The following ZNF227 variants were observed in gnomAD, a reference collection of about 807,000 sequenced individuals.
ZNF227 encodes the protein zinc finger protein 227.
ZNF227 carries 12 observed loss-of-function variants against 13.2 expected under a neutral mutation model. The ratio of observed to expected loss-of-function variants is 0.91; its 90% CI spans 0.58 to 1.47. The LOEUF (loss-of-function observed/expected upper bound fraction) is 1.47, where lower values mean the gene tolerates loss of function less well. ZNF227 is among the 40% of genes most tolerant of loss of function. The pLI is 0.00. For synonymous variants in ZNF227, 338 were observed against 326.0 expected, an observed-to-expected ratio of 1.04 and a Z score of -0.40; for missense variants, 885 against 967.5, an observed-to-expected ratio of 0.91 and a Z score of 1.13.
In ZNF227 at chr19:44,236,834, T is replaced by A. The variant is rs766129128; in HGVS notation, c.*4T>A. The A allele has an allele frequency of 6.5e-7, 1 of 1,548,402 alleles. No homozygotes were observed. The highest frequency in any genetic ancestry group is 8.7e-7 in the Non-Finnish European group (1 of 1,149,816). ...CCATACTGGTAAAAAGCTTTAGAAA[T>A]GAGAAATGTGTTACCAACTTTTGTC... On this transcript the variant is annotated 3_prime_UTR_variant, in exon 6 of 6. Coordinates refer to ENST00000313040, the MANE Select transcript of ZNF227 (RefSeq NM_182490.3).
chr19:44,217,419 A>G, intron 2 of ZNF227: 1 of 485,152 alleles, frequency 2.1e-6, no homozygotes, highest in Non-Finnish European at 4.1e-6. Context: ...CATTGTACAC[A>G]TAACAGAAGT....
chr19:44,222,809 G>C lies in ZNF227; in HGVS notation c.60+4957G>C, dbSNP rs945715917. Among the ~76,000 whole-genome samples, 47 of 151,854 alleles carry C rather than the reference G, an allele frequency of 3.1e-4. No homozygotes were observed. The East Asian group carries it at 8.7e-3, about 28-fold the overall frequency. ...GAACTTCCAACACTATGTTGAATAG[G>C]AGTGGTGAGAGAGGGCACCCCTGTC... On this transcript the variant is annotated intron_variant, in intron 3 of 5. Transcript: ENST00000313040.
upstream of ZNF227, among the ~76,000 whole-genome samples, chr19:44,212,273 C>G (rs1971411323): frequency 6.6e-6 from 1 of 151,580 alleles, no homozygotes; most frequent in African/African-American, 2.4e-5. Flanking sequence ...GGCTAAACAG[C>G]AATAAGCCGT....
At chr19:44,228,359 T>A in intron 3 of ZNF227, 87 bp from the exon 4 acceptor site, 1 of 1,487,090 alleles carries the variant, frequency 6.7e-7, no homozygotes, top group Non-Finnish European at 9.0e-7. Flanking sequence ...AACAACTTTT[T>A]TGTGGTGCTC....
chr19:44,218,439 T>C (rs1343753748), intron 3 of ZNF227, among the ~76,000 whole-genome samples: 2 of 152,220 alleles, frequency 1.3e-5, no homozygotes, highest in Non-Finnish European at 2.9e-5. Context: ...TGTCTCAGTT[T>C]CATGTCAGTT....
At chr19:44,227,927 A>G (rs1973347334) in intron 3 of ZNF227, among the ~76,000 whole-genome samples, 1 of 152,148 alleles carries the variant, frequency 6.6e-6, no homozygotes, top group Non-Finnish European at 1.5e-5. Flanking sequence ...GAACTTTGCA[A>G]ACGTTAAAAA....
upstream of ZNF227, among the ~76,000 whole-genome samples, chr19:44,209,589 T>G (rs942715506): frequency 7.1e-4 from 108 of 152,166 alleles, no homozygotes; most frequent in Middle Eastern, 3.4e-3. Context: ...TTATTCATTT[T>G]TATTTATTTA....
chr19:44,212,306 G>C (rs1314702628), upstream of ZNF227, among the ~76,000 whole-genome samples: 2 of 151,156 alleles, frequency 1.3e-5, no homozygotes, highest in Non-Finnish European at 2.9e-5. Flanking sequence ...GGATGTTGTA[G>C]TCCGGGAGCT....
intron 5 of ZNF227, among the ~76,000 whole-genome samples, chr19:44,231,798 T>C (rs1973872857): frequency 6.6e-6 from 1 of 152,250 alleles, no homozygotes; most frequent in Non-Finnish European, 1.5e-5. Context: ...TAATTAGTAA[T>C]TTCTAAGACA....
At chr19:44,232,989 A>G (rs1974004711) in intron 5 of ZNF227, among the ~76,000 whole-genome samples, 11 of 151,874 alleles carry the variant, frequency 7.2e-5, no homozygotes, top group Admixed American at 6.6e-4. Flanking sequence ...CCTTTTTGCC[A>G]TGTACATTAA....
rs898121490 is a variant in ZNF227, at chr19:44,235,886, C to T, written c.1456C>T (p.His486Tyr). The change falls in exon 6 of 6, where the codon CAC becomes TAC. Residue 486 changes from histidine (H) to tyrosine (Y), a missense_variant. Transcript: ENST00000313040. ...AGATCTGCATATTCATTTCAGAGTT[C>T]ACACGGGAGAGAAACCCTATAAATG... ...NTDLHIHFRV[H>Y]TGEKPYKCKE... is the part of the protein sequence containing the mutation. 3 of 1,613,980 alleles carry T rather than the reference C, an allele frequency of 1.9e-6. No homozygotes were observed. The highest frequency in any genetic ancestry group is 2.5e-6 in the Non-Finnish European group (3 of 1,180,032).
chr19:44,223,266 A>G (rs1972745681), intron 3 of ZNF227, among the ~76,000 whole-genome samples: 1 of 152,238 alleles, frequency 6.6e-6, no homozygotes, highest in African/African-American at 2.4e-5. Flanking sequence ...TATCAGGATG[A>G]TGCTAGCCTC....
At chr19:44,228,911 C>G (rs1186572936) in intron 4 of ZNF227, 1 of 349,614 alleles carries the variant, frequency 2.9e-6, no homozygotes, top group Non-Finnish European at 5.1e-6. Context: ...CAGGACAGTG[C>G]CCCCAACAGA....
chr19:44,216,315 T>C (rs534151078), intron 2 of ZNF227, among the ~76,000 whole-genome samples: 1 of 152,184 alleles, frequency 6.6e-6, no homozygotes, highest in South Asian at 2.1e-4. Context: ...GAGGTAATAT[T>C]CATTTGTTTT....
At chr19:44,225,415 A>G (rs1973014549) in intron 3 of ZNF227, among the ~76,000 whole-genome samples, 1 of 152,238 alleles carries the variant, frequency 6.6e-6, no homozygotes, top group Non-Finnish European at 1.5e-5. Context: ...AATCAGACGT[A>G]GATCTGGTCT....
In ZNF227 at chr19:44,236,204, C is replaced by A. The variant is rs765911610; in HGVS notation, c.1774C>A (p.His592Asn). 1.2e-6 allele frequency: 2 copies of A among 1,613,928 alleles called. No homozygotes were observed. The highest frequency in any genetic ancestry group is 2.2e-5 in the East Asian group (1 of 44,872). ...GKGFSWRSNL[H>N]AHQRVHSGEK... ...GGGCTTCAGTTGGAGATCAAATCTT[C>A]ATGCACATCAAAGAGTTCACTCAGG... Residue 592 changes from histidine (H) to asparagine (N), a missense_variant, in exon 6 of 6, where the codon CAT becomes AAT. By Grantham distance (68) the His-to-Asn change is moderately conservative. Coordinates refer to ENST00000313040, the MANE Select transcript of ZNF227 (RefSeq NM_182490.3).
chr19:44,212,391 T>TTTTTTTTTTC (rs1555787739), upstream of ZNF227: 1 of 140,812 alleles, frequency 7.1e-6, no homozygotes, highest in African/African-American at 3.0e-5. Context: ...TTTTTTTTTT[T>TTTTTTTTTTC]CAAGCGCGAA....
intron 3 of ZNF227, among the ~76,000 whole-genome samples, chr19:44,219,748 T>G (rs1972255452): frequency 6.6e-6 from 1 of 150,828 alleles, no homozygotes; most frequent in African/African-American, 2.4e-5. Context: ...TTTTTTTGGA[T>G]GTTGATTTTC....
chr19:44,227,720 G>C (rs1973326331), intron 3 of ZNF227, among the ~76,000 whole-genome samples: 1 of 152,194 alleles, frequency 6.6e-6, no homozygotes, highest in Admixed American at 6.5e-5. Context: ...AGGAAATTCA[G>C]TTAGTGAGAG....
Sources: gnomAD v4.1 joint callset for allele counts (sites outside exome capture counted in the v4.1 genomes callset) on GRCh38, gnomAD v4.1.1 for gene constraint, MANE v1.5 for transcripts, NCBI Gene and HGNC (gene_info 2026-07-23, HGNC 2026-07-21) for gene names.